UNC13C: variants seen among roughly 807,000 people sequenced by gnomAD.
UNC13C encodes the protein protein unc-13 homolog C.
In UNC13C, 174 loss-of-function variants were observed where a neutral mutation model predicts 245.4. The observed-to-expected ratio is 0.71, with a 90% confidence interval of 0.63 to 0.80. The LOEUF (loss-of-function observed/expected upper bound fraction) is 0.80, where lower values mean the gene tolerates loss of function less well. UNC13C is among the 30% of genes least tolerant of loss of function. The pLI is 0.00. For missense variants in UNC13C, 2,829 were observed against 2,602.9 expected, an observed-to-expected ratio of 1.09 and a Z score of -1.89; for synonymous variants, 992 against 895.1, an observed-to-expected ratio of 1.11 and a Z score of -1.93.
intron 2 of UNC13C, among the ~76,000 whole-genome samples, chr15:54,027,376 GT>G (rs906747231): frequency 6.6e-6 from 1 of 152,032 alleles, no homozygotes; most frequent in African/African-American, 2.4e-5. Context: ...CTCCTCTTTT[GT>G]TTTGTTTTTG....
Position 54,042,487 on chromosome 15 carries a change from G to T in UNC13C, c.2983+26601G>T, listed in dbSNP as rs145171783. ...GGGAAGTGAAGAATCTTATATTCCA[G>T]TGGAGGACAACTGATAGATGGTAAC... On this transcript the variant is annotated intron_variant, in intron 2 of 32. Transcript: ENST00000260323. Among the ~76,000 whole-genome samples, 16 of 152,304 alleles carry T rather than the reference G, an allele frequency of 1.1e-4. No homozygotes were observed. The East Asian group carries it at 2.7e-3, about 26-fold the overall frequency.
At chr15:54,316,891 G>A (rs1315099747) in intron 13 of UNC13C, among the ~76,000 whole-genome samples, 5 of 151,886 alleles carry the variant, frequency 3.3e-5, no homozygotes, top group Admixed American at 2.6e-4. Context: ...ACTTTCTGCT[G>A]TACAACAAAA....
chr15:54,123,125 T>C (rs1358064543), intron 2 of UNC13C, among the ~76,000 whole-genome samples: 1 of 151,996 alleles, frequency 6.6e-6, no homozygotes, highest in Non-Finnish European at 1.5e-5. Context: ...TCAGTCTTTT[T>C]AATTGCAGCT....
At chr15:53,876,547 G>A in the UNC13C span, among the ~76,000 whole-genome samples, 5 of 152,130 alleles carry the variant, frequency 3.3e-5, no homozygotes, top group Admixed American at 6.5e-5. Flanking sequence ...CGCATGTCTC[G>A]TTAATGCTTA....
chr15:54,213,666 T>G (rs554033314), intron 4 of UNC13C, among the ~76,000 whole-genome samples: 2 of 152,078 alleles, frequency 1.3e-5, no homozygotes, highest in African/African-American at 2.4e-5. Context: ...ACGCAAGTTG[T>G]TGAAGAGATG....
intron 10 of UNC13C, among the ~76,000 whole-genome samples, chr15:54,293,101 A>G (rs919842614): frequency 2.0e-5 from 3 of 151,812 alleles, no homozygotes; most frequent in African/African-American, 7.2e-5. Flanking sequence ...GCTAGAGGAA[A>G]TCATGTACAG....
the UNC13C span, among the ~76,000 whole-genome samples, chr15:53,953,305 T>C: frequency 6.6e-6 from 1 of 152,188 alleles, no homozygotes; most frequent in Non-Finnish European, 1.5e-5. Context: ...TTTTAAGAGC[T>C]TGCCAGCTAA....
intron 1 of UNC13C, among the ~76,000 whole-genome samples, chr15:53,998,898 A>G (rs1179954362): frequency 1.3e-5 from 2 of 151,978 alleles, no homozygotes; most frequent in African/African-American, 2.4e-5. Flanking sequence ...AATGTGTTCA[A>G]TTGCATGACT....
At chr15:54,486,936 A>T (rs1893445517) in intron 19 of UNC13C, among the ~76,000 whole-genome samples, 1 of 152,198 alleles carries the variant, frequency 6.6e-6, no homozygotes, top group African/African-American at 2.4e-5. Context: ...ATGGCTTTAG[A>T]TCTAGACCAG....
chr15:54,512,921 C>G (rs1332043818), intron 24 of UNC13C, among the ~76,000 whole-genome samples: 2 of 152,142 alleles, frequency 1.3e-5, no homozygotes, highest in African/African-American at 2.4e-5. Flanking sequence ...GAAAAATGAA[C>G]TTGCTATTTA....
Position 54,064,357 on chromosome 15 carries a change from C to A in UNC13C, c.2983+48471C>A, listed in dbSNP as rs570976905. On this transcript the variant is annotated intron_variant, in intron 2 of 32. Transcript: ENST00000260323. The stretch of plus-strand genomic sequence containing the variant: ...AAAAAGATTACAAAAATAATTGCAA[C>A]CTCGAAGTTTGAGAACCTGTCTCTA... 3.0e-4 allele frequency among the ~76,000 whole-genome samples: 46 copies of A among 152,272 alleles called. No homozygotes were observed. In the South Asian group the frequency reaches 5.4e-3, roughly 18 times the overall value.
intron 4 of UNC13C, among the ~76,000 whole-genome samples, chr15:54,223,190 T>A (rs1274186313): frequency 2.0e-5 from 3 of 151,992 alleles, no homozygotes; most frequent in African/African-American, 7.2e-5. Flanking sequence ...CCTTGAGAGT[T>A]TCCCACATTT....
the UNC13C span, among the ~76,000 whole-genome samples, chr15:53,894,249 C>G: frequency 1.3e-5 from 2 of 152,208 alleles, no homozygotes; most frequent in African/African-American, 2.4e-5. Context: ...CTGTGTCAAT[C>G]GCGCTGGGAG....
chr15:54,132,419 G>C (rs2031488635), intron 2 of UNC13C, among the ~76,000 whole-genome samples: 1 of 152,088 alleles, frequency 6.6e-6, no homozygotes, highest in Admixed American at 6.6e-5. Flanking sequence ...GTGATCAAAG[G>C]TATGTGAGTT....
In UNC13C at chr15:54,339,110, C is replaced by T. The variant is rs187298626; in HGVS notation, c.4713+621C>T. 1.4e-4 allele frequency among the ~76,000 whole-genome samples: 21 copies of T among 152,204 alleles called. 1 individual carries two copies. The highest frequency in any genetic ancestry group is 1.2e-3 in the South Asian group (6 of 4,822). On this transcript the variant is annotated intron_variant, in intron 17 of 32. Transcript: ENST00000260323. ...CTTGAACTCCTGACCTCAGGTGATC[C>T]GCCCGCCTCGGCCTCCCAAAGTGCT... is the stretch of plus-strand genomic sequence containing the variant.
chr15:54,019,217 T>TAC (rs1360465363), intron 2 of UNC13C, among the ~76,000 whole-genome samples: 7 of 152,224 alleles, frequency 4.6e-5, no homozygotes. Flanking sequence ...GATCCAGAAT[T>TAC]ACATGGATTG....
At chr15:54,118,573 A>C (rs2030439566) in intron 2 of UNC13C, among the ~76,000 whole-genome samples, 1 of 152,056 alleles carries the variant, frequency 6.6e-6, no homozygotes, top group African/African-American at 2.4e-5. Flanking sequence ...TTCTAATATA[A>C]TATCATGTCA....
At chr15:53,908,645 G>C in the UNC13C span, among the ~76,000 whole-genome samples, 1 of 142,866 alleles carries the variant, frequency 7.0e-6, no homozygotes, top group Non-Finnish European at 1.6e-5. Flanking sequence ...GTCCCAGCTT[G>C]GGGGACTGCA....
At chr15:54,250,024 T>C (rs1567134316) in intron 7 of UNC13C, among the ~76,000 whole-genome samples, 1 of 152,162 alleles carries the variant, frequency 6.6e-6, no homozygotes, top group Non-Finnish European at 1.5e-5. Flanking sequence ...TACAGATAAC[T>C]GAATAGGGCC....
Sources: allele counts gnomAD v4.1 joint callset (sites outside exome capture counted in the v4.1 genomes callset), GRCh38; gene constraint gnomAD v4.1.1; transcripts MANE v1.5; gene names NCBI Gene and HGNC (gene_info 2026-07-23, HGNC 2026-07-21).